Variants in BMP5 observed in about 807,000 individuals in gnomAD.
BMP5 encodes the protein bone morphogenetic protein 5.
BMP5 carries 23 observed loss-of-function variants against 46.6 expected under a neutral mutation model. The observed-to-expected ratio is 0.49, with a 90% CI of 0.35 to 0.70. BMP5 has a LOEUF of 0.70. BMP5 is among the 30% of genes least tolerant of loss of function. The pLI is 0.00. For missense variants in BMP5, 545 were observed against 565.6 expected (o/e 0.96, Z 0.37); for synonymous variants, 204 against 191.9 (o/e 1.06, Z -0.52).
chr6:55,772,518 C>A (rs942700859), intron 4 of BMP5, among the ~76,000 whole-genome samples: 1 of 151,852 alleles, frequency 6.6e-6, no homozygotes, highest in Non-Finnish European at 1.5e-5. Context: ...AACTTAGAAC[C>A]ATTCTACATG....
chr6:55,794,019 C>T (rs1161296390), intron 3 of BMP5, among the ~76,000 whole-genome samples: 3 of 152,090 alleles, frequency 2.0e-5, no homozygotes, highest in African/African-American at 7.2e-5. Flanking sequence ...AGGTCTTCAA[C>T]ACTAGACTAA....
intron 4 of BMP5, among the ~76,000 whole-genome samples, chr6:55,764,571 C>CAAAAAAAAAAAAAAAA (rs57293392): frequency 3.6e-5 from 4 of 110,150 alleles, no homozygotes; most frequent in Non-Finnish European, 4.0e-5. Flanking sequence ...GACTCTGTCT[C>CAAAAAAAAAAAAAAAA]AAAAAAAAAA....
intron 1 of BMP5, among the ~76,000 whole-genome samples, chr6:55,838,436 G>A (rs1776875518): frequency 1.3e-5 from 2 of 152,124 alleles, no homozygotes; most frequent in Non-Finnish European, 2.9e-5. Context: ...CCATTTGTAT[G>A]TCTTCTTTTG....
At chr6:55,813,453 C>A (rs1776181144) in intron 2 of BMP5, among the ~76,000 whole-genome samples, 1 of 151,738 alleles carries the variant, frequency 6.6e-6, no homozygotes, top group Non-Finnish European at 1.5e-5. Context: ...GGTCAATTAA[C>A]ATTATTATTT....
At chr6:55,823,209 T>G (rs960599301) in intron 1 of BMP5, among the ~76,000 whole-genome samples, 1 of 152,120 alleles carries the variant, frequency 6.6e-6, no homozygotes, top group African/African-American at 2.4e-5. Flanking sequence ...CCTACTGTTC[T>G]GCACTTAGAG....
intron 1 of BMP5, among the ~76,000 whole-genome samples, chr6:55,859,224 G>C (rs774963242): frequency 1.3e-5 from 2 of 152,058 alleles, no homozygotes; most frequent in Non-Finnish European, 2.9e-5. Context: ...GTGTTCCTGG[G>C]TTCATTTTCC....
At chr6:55,780,260 C>T (rs765388125) in intron 3 of BMP5, among the ~76,000 whole-genome samples, 5 of 151,308 alleles carry the variant, frequency 3.3e-5, no homozygotes, top group African/African-American at 4.9e-5. Flanking sequence ...CCAGGAAGGG[C>T]TATTATTAGT....
At chr6:55,855,068 A>G (rs1777352851) in intron 1 of BMP5, among the ~76,000 whole-genome samples, 3 of 151,982 alleles carry the variant, frequency 2.0e-5, no homozygotes, top group African/African-American at 4.8e-5. Flanking sequence ...AACAGAAAAA[A>G]GCTTTTGATC....
Position 55,813,555 on chromosome 6 carries a change from C to T in BMP5, c.683+6100G>A, listed in dbSNP as rs1214004905. ...CTGTAATCCCAGCACTTTTGGGGGC[C>T]GAGGCGGGCGGATCACGAGGTCAGG... On this transcript the variant is annotated intron_variant, in intron 2 of 6. Transcript: ENST00000370830. Among the ~76,000 whole-genome samples, 4 of 151,954 alleles carry T rather than the reference C, an allele frequency of 2.6e-5. No homozygotes were observed. The East Asian group carries it at 5.8e-4, about 22-fold the overall frequency.
intron 1 of BMP5, among the ~76,000 whole-genome samples, chr6:55,864,543 A>G (rs1777595592): frequency 6.6e-6 from 1 of 152,096 alleles, no homozygotes; most frequent in Admixed American, 6.6e-5. Flanking sequence ...CTGATCTTAG[A>G]TTTCTCAGCC....
chr6:55,824,018 C>T (rs966176613), intron 1 of BMP5, among the ~76,000 whole-genome samples: 4 of 151,796 alleles, frequency 2.6e-5, no homozygotes, highest in South Asian at 2.1e-4. Context: ...TGTGATTCAC[C>T]GGCAGAATTC....
chr6:55,757,277 C>A (rs2127514213), intron 6 of BMP5, among the ~76,000 whole-genome samples: 1 of 151,828 alleles, frequency 6.6e-6, no homozygotes, highest in African/African-American at 2.4e-5. Flanking sequence ...TCTAAGGAAG[C>A]AAAAGTCTGC....
At chr6:55,869,836 C>A (rs1276666922) in intron 1 of BMP5, among the ~76,000 whole-genome samples, 3 of 152,112 alleles carry the variant, frequency 2.0e-5, no homozygotes, top group African/African-American at 4.8e-5. Context: ...ACATCATAAC[C>A]TTTTCCTTCT....
At chr6:55,796,036 T>G (rs571178763) in intron 2 of BMP5, among the ~76,000 whole-genome samples, 1 of 152,302 alleles carries the variant, frequency 6.6e-6, no homozygotes, top group African/African-American at 2.4e-5. Flanking sequence ...AAGAATTGTC[T>G]TAAAGTTTTG....
chr6:55,803,314 CA>C lies in BMP5; in HGVS notation c.684-8888del, dbSNP rs112485041. On this transcript the variant is annotated intron_variant, in intron 2 of 6. Coordinates refer to ENST00000370830, the MANE Select transcript of BMP5 (RefSeq NM_021073.4). ...TCTGCCTCAAACAAAACAAAACAAA[CA>C]AAAAAAAAAACAGGAAGAAGTTATG... Among the ~76,000 whole-genome samples, 406 of 137,940 alleles carry C rather than the reference CA, an allele frequency of 2.9e-3. 4 individuals are homozygous for C. The highest frequency in any genetic ancestry group is 0.024 in the East Asian group (115 of 4,832). 90.5% of individuals were successfully genotyped at this position (137,940 alleles called of 152,430 possible). A position where few individuals can be genotyped will look rare whatever the true frequency, so the allele number is the denominator to read the frequency against.
At chr6:55,773,599 T>G (rs1361188763) in intron 4 of BMP5, among the ~76,000 whole-genome samples, 1 of 151,880 alleles carries the variant, frequency 6.6e-6, no homozygotes, top group Non-Finnish European at 1.5e-5. Flanking sequence ...ATCATTGTCT[T>G]CTTATGTCTT....
At chr6:55,842,450 A>G (rs1776985182) in intron 1 of BMP5, among the ~76,000 whole-genome samples, 1 of 152,130 alleles carries the variant, frequency 6.6e-6, no homozygotes, top group South Asian at 2.1e-4. Flanking sequence ...CAGCCTACAC[A>G]TACAGAATGC....
Position 55,835,179 on chromosome 6 carries a change from C to A in BMP5, c.491-15332G>T, listed in dbSNP as rs73448106. Among the ~76,000 whole-genome samples the A allele has an allele frequency of 2.3e-3, 344 of 152,058 alleles. 3 individuals carry two copies. The highest frequency in any genetic ancestry group is 7.9e-3 in the African/African-American group (329 of 41,494). On this transcript the variant is annotated intron_variant, in intron 1 of 6. Transcript: ENST00000370830. ...TGGTCTTTTGACACAGCTTCATTAG[C>A]AGAAAAATATTTACCTTATTTTTCA...
intron 1 of BMP5, among the ~76,000 whole-genome samples, chr6:55,869,004 T>C (rs1175644201): frequency 2.0e-5 from 3 of 152,160 alleles, no homozygotes; most frequent in African/African-American, 4.8e-5. Flanking sequence ...GAACAAGGGA[T>C]TCATTGTTTC....
Sources: gnomAD v4.1 joint callset for allele counts (sites outside exome capture counted in the v4.1 genomes callset) on GRCh38, gnomAD v4.1.1 for gene constraint, MANE v1.5 for transcripts, NCBI Gene and HGNC (gene_info 2026-07-23, HGNC 2026-07-21) for gene names.